OVOL2: variants seen among roughly 807,000 people sequenced by gnomAD.
OVOL2 encodes the protein ovo like zinc finger 2.
OVOL2 carries 13 observed loss-of-function variants against 18.1 expected under a neutral mutation model. The observed-to-expected ratio is 0.72, with a 90% CI of 0.47 to 1.14. The LOEUF (loss-of-function observed/expected upper bound fraction) is 1.14. Among genes scored for constraint, OVOL2 ranks in the 50% most tolerant of loss-of-function variants. The pLI, the probability that OVOL2 is intolerant of heterozygous loss-of-function variation, is 0.00. For synonymous variants in OVOL2, 166 were observed against 162.7 expected (o/e 1.02, Z -0.16); for missense variants, 335 against 383.0 (o/e 0.87, Z 1.05).
intron 2 of OVOL2, among the ~76,000 whole-genome samples, chr20:18,044,731 C>T (rs1033394067): frequency 1.8e-4 from 28 of 152,144 alleles, no homozygotes; most frequent in African/African-American, 6.5e-4. Context: ...GAGGGGGCAC[C>T]TACCCCAGAC....
At chr20:18,036,774 C>T (rs191708634) in intron 3 of OVOL2, among the ~76,000 whole-genome samples, 39 of 152,154 alleles carry the variant, frequency 2.6e-4, no homozygotes, top group African/African-American at 8.9e-4. Flanking sequence ...CTGAAGTGTG[C>T]ACTTTGTGCT....
At chr20:18,031,070 C>A (rs760024848) in intron 3 of OVOL2, among the ~76,000 whole-genome samples, 1 of 152,216 alleles carries the variant, frequency 6.6e-6, no homozygotes, top group African/African-American at 2.4e-5. Flanking sequence ...AAAGGCCAAC[C>A]GTGCCTGTGT....
chr20:18,056,812 C>A lies in OVOL2; in HGVS notation c.166G>T (p.Gly56Cys). Reference sequence around the variant, plus strand: ...TCCCCCGCGCTGCTGCTGCCGCTGCCGCTGCTGCTGCCGCCGTCGCTGCGG... The same window carrying A: ...TCCCCCGCGCTGCTGCTGCCGCTGCAGCTGCTGCTGCCGCCGTCGCTGCGG... Reference protein sequence around the residue: ...DCRSDGGSSSGSGSSSAGEPG... With the variant: ...DCRSDGGSSSCSGSSSAGEPG... Residue 56 changes from glycine (G) to cysteine (C), a missense_variant, in exon 2 of 4, where the codon GGC becomes TGC. By Grantham distance (159) the Gly-to-Cys change is radical. Transcript: ENST00000278780. The surrounding 1 kb of genome is among the most constrained non-coding windows in gnomAD (Gnocchi z 4.2). 3 of 1,491,654 alleles carry A rather than the reference C, an allele frequency of 2.0e-6. No homozygotes were observed. Among genetic ancestry groups the A allele is most frequent in the Non-Finnish European group, 2.7e-6 (3 of 1,128,054 alleles). The allele number at this position is 1,491,654 out of a possible 1,614,324, so 92.4% of individuals were successfully genotyped here. A position where few individuals can be genotyped will look rare whatever the true frequency, so the allele number is the denominator to read the frequency against.
chr20:18,048,346 G>A (rs1233736151), intron 2 of OVOL2, among the ~76,000 whole-genome samples: 1 of 151,972 alleles, frequency 6.6e-6, no homozygotes, highest in Admixed American at 6.6e-5. Flanking sequence ...TTTGATGGAA[G>A]AAAAGGGGAA....
chr20:18,025,284 C>T (rs1028060736), intron 3 of OVOL2, among the ~76,000 whole-genome samples: 5 of 152,048 alleles, frequency 3.3e-5, no homozygotes, highest in East Asian at 1.9e-4. Context: ...AAAATTAATT[C>T]GGGCCAGGTG....
rs758528416 is a variant in OVOL2 at position 18,057,665 on chromosome 20, C to G, written c.-31G>C. On this transcript the variant is annotated 5_prime_UTR_variant, in exon 1 of 4. Coordinates refer to ENST00000278780, the MANE Select transcript of OVOL2 (RefSeq NM_021220.4). This position sits in a 1 kb window ranked among gnomAD's most constrained non-coding sequence, Gnocchi z 6.3. ...GGTCCCCTCTCCCGACTGCGGCCCC[C>G]TCCTCCCGGCTGCTCCCCGCTAGGG... The G allele has an allele frequency of 1.4e-5, 22 of 1,539,878 alleles. No individual in the cohort carries two copies. The highest frequency in any genetic ancestry group is 1.8e-5 in the Non-Finnish European group (21 of 1,141,830).
upstream of OVOL2, chr20:18,058,748 C>T (rs1030927226): frequency 1.3e-5 from 2 of 152,234 alleles, no homozygotes; most frequent in African/African-American, 4.8e-5. Flanking sequence ...ATCTTCTAGC[C>T]GCCCCTACCG....
chr20:18,034,418 C>A (rs534078909), intron 3 of OVOL2, among the ~76,000 whole-genome samples: 1 of 152,212 alleles, frequency 6.6e-6, no homozygotes, highest in Non-Finnish European at 1.5e-5. Flanking sequence ...AAAACCCATG[C>A]TCATCCTCTG....
At chr20:18,027,236 G>A (rs970808297) in intron 3 of OVOL2, among the ~76,000 whole-genome samples, 1 of 151,954 alleles carries the variant, frequency 6.6e-6, no homozygotes, top group Admixed American at 6.6e-5. Flanking sequence ...TTTAAGAAAC[G>A]AATTGGCTGG....
At chr20:18,034,415 A>G (rs1168015503) in intron 3 of OVOL2, among the ~76,000 whole-genome samples, 1 of 152,096 alleles carries the variant, frequency 6.6e-6, no homozygotes, top group African/African-American at 2.4e-5. Flanking sequence ...AGCAAAACCC[A>G]TGCTCATCCT....
Position 18,038,338 on chromosome 20 carries a change from C to T in OVOL2, c.511+3196G>A, listed in dbSNP as rs181073274. 2.0e-4 allele frequency among the ~76,000 whole-genome samples: 31 copies of T among 152,176 alleles called. No homozygotes were observed. The East Asian group carries it at 5.4e-3, about 27-fold the overall frequency. ...AGAAGCACTTTTATGTAATTCTGGCCCCAAAACCTCACAACCATCACTTTA... is the reference window on the plus strand; with the variant it reads ...AGAAGCACTTTTATGTAATTCTGGCTCCAAAACCTCACAACCATCACTTTA... On this transcript the variant is annotated intron_variant, in intron 3 of 3. Coordinates refer to ENST00000278780, the MANE Select transcript of OVOL2 (RefSeq NM_021220.4).
intron 3 of OVOL2, among the ~76,000 whole-genome samples, chr20:18,039,389 A>G (rs912296204): frequency 1.3e-5 from 2 of 152,154 alleles, no homozygotes; most frequent in Non-Finnish European, 2.9e-5. Context: ...TGGGAGGCCA[A>G]GGCGGGTGGA....
intron 2 of OVOL2, among the ~76,000 whole-genome samples, chr20:18,055,172 T>C (rs73252031): frequency 0.016 from 2,499 of 152,216 alleles, 73 homozygotes; most frequent in African/African-American, 0.057. Context: ...CCAACGGCCC[T>C]GTGTGCCTGA....
chr20:18,046,076 A>T (rs1393024481), intron 2 of OVOL2, among the ~76,000 whole-genome samples: 1 of 152,062 alleles, frequency 6.6e-6, no homozygotes, highest in Non-Finnish European at 1.5e-5. Context: ...AACAAATTAC[A>T]CTCAAAGTCT....
At chr20:18,051,857 T>C (rs568198142) in intron 2 of OVOL2, among the ~76,000 whole-genome samples, 1 of 152,300 alleles carries the variant, frequency 6.6e-6, no homozygotes, top group Non-Finnish European at 1.5e-5. Flanking sequence ...CTCAGCATCC[T>C]GAGTAGCCTG....
chr20:18,027,315 G>T (rs1164243018), intron 3 of OVOL2, among the ~76,000 whole-genome samples: 1 of 151,996 alleles, frequency 6.6e-6, no homozygotes, highest in Non-Finnish European at 1.5e-5. Flanking sequence ...ATCACCTGAG[G>T]TCAGGAGTTT....
intron 3 of OVOL2, among the ~76,000 whole-genome samples, chr20:18,040,425 G>A (rs752905775): frequency 6.6e-6 from 1 of 152,138 alleles, no homozygotes; most frequent in Non-Finnish European, 1.5e-5. Flanking sequence ...ATTTGAAGAT[G>A]GGACCCACAT....
At position 18,027,707 on chromosome 20, in the gene OVOL2, G is replaced by A. The variant is rs182444063; in HGVS notation, c.512-2755C>T. Among the ~76,000 whole-genome samples, 842 of 151,152 alleles carry A rather than the reference G, an allele frequency of 5.6e-3. 4 individuals carry two copies. Among genetic ancestry groups the A allele is most frequent in the Non-Finnish European group, 9.4e-3 (638 of 67,684 alleles). ...GCCTCCTGGGTTCACATCATTCTCC[G>A]GCCTCAGCCTCCCGAGTAGCTGGGA... On this transcript the variant is annotated intron_variant, in intron 3 of 3. Transcript: ENST00000278780.
At chr20:18,031,111 C>T (rs1327028462) in intron 3 of OVOL2, among the ~76,000 whole-genome samples, 2 of 152,200 alleles carry the variant, frequency 1.3e-5, no homozygotes, top group African/African-American at 4.8e-5. Context: ...TGAAGAGCAC[C>T]ACCCATGCGC....
Sources: allele counts gnomAD v4.1 joint callset (sites outside exome capture counted in the v4.1 genomes callset), GRCh38; gene constraint gnomAD v4.1.1; non-coding constraint Gnocchi (gnomAD v3.1); transcripts MANE v1.5; gene names NCBI Gene and HGNC (gene_info 2026-07-23, HGNC 2026-07-21).